Variants in DYSF observed in about 807,000 individuals in gnomAD.
DYSF encodes the protein dystrophy-associated fer-1-like 1.
In DYSF, 212 loss-of-function variants were observed where a neutral mutation model predicts 274.9. That is an observed-to-expected ratio of 0.77 (90% confidence interval 0.69 to 0.86). The LOEUF (loss-of-function observed/expected upper bound fraction) is 0.86. Among genes scored for constraint, DYSF ranks in the 40% least tolerant of loss-of-function variants. The pLI is 0.00. For missense variants in DYSF, 2,666 were observed against 2,783.2 expected (o/e 0.96, Z 0.95); for synonymous variants, 1,091 against 1,078.7 (o/e 1.01, Z -0.22).
At chr2:71,609,822 T>C (rs11893222) in intron 36 of DYSF, among the ~76,000 whole-genome samples, 27,099 of 152,168 alleles carry the variant, frequency 0.18, 5,126 homozygotes, top group African/African-American at 0.48. Context: ...TATCTTTCTC[T>C]GCTTTGACTG....
At chr2:71,574,035 C>T (rs901980032) in intron 29 of DYSF, among the ~76,000 whole-genome samples, 163 bp from the exon 30 acceptor site, 3 of 152,136 alleles carry the variant, frequency 2.0e-5, no homozygotes, top group Admixed American at 2.0e-4. Context: ...GCAGAAAGCC[C>T]CTCTCCTCTA....
At chr2:71,524,918 G>A (rs886156934) in intron 12 of DYSF, among the ~76,000 whole-genome samples, 5 of 152,194 alleles carry the variant, frequency 3.3e-5, no homozygotes, top group Admixed American at 6.5e-5. Flanking sequence ...TGTAAAGTGG[G>A]GGCATTCTAG....
chr2:71,511,133 G>A (rs867660183), intron 4 of DYSF, among the ~76,000 whole-genome samples: 1 of 152,200 alleles, frequency 6.6e-6, no homozygotes, highest in South Asian at 2.1e-4. Flanking sequence ...GGGGTGGGGT[G>A]GGCGCATGGG....
At chr2:71,613,113 G>C (rs1558621886) in intron 39 of DYSF, among the ~76,000 whole-genome samples, 1 of 152,126 alleles carries the variant, frequency 6.6e-6, no homozygotes, top group Non-Finnish European at 1.5e-5. Context: ...GAAATGTGAG[G>C]AGAGGAAGAC....
intron 1 of DYSF, among the ~76,000 whole-genome samples, chr2:71,456,406 A>T (rs1290841188): frequency 6.6e-6 from 1 of 151,940 alleles, no homozygotes; most frequent in African/African-American, 2.4e-5. Context: ...CCTCCCTGTG[A>T]CATTCAGGCC....
rs148570027 is a variant in DYSF, at chr2:71,644,454, G to A, written c.4626+391G>A. 5.5e-3 allele frequency among the ~76,000 whole-genome samples: 835 copies of A among 152,272 alleles called. 15 individuals carry two copies. Among genetic ancestry groups the A allele is most frequent in the African/African-American group, 0.019 (772 of 41,542 alleles). ...ACAGTTAAAGCTTGGAGATGGGTAC[G>A]CAGGGATTTGTTGTCCTATCCCATG... On this transcript the variant is annotated intron_variant, in intron 42 of 55. Coordinates refer to ENST00000410020, the MANE Select transcript of DYSF (RefSeq NM_001130987.2).
chr2:71,453,722 G>C (rs1573204687), exon 1 of DYSF: 3 of 518,052 alleles, frequency 5.8e-6, no homozygotes, highest in African/African-American at 1.9e-5. Context: ...AGGGCGGCGG[G>C]GGTGGAAGAT....
upstream of DYSF, among the ~76,000 whole-genome samples, chr2:71,463,390 G>A (rs1215406431): frequency 1.3e-5 from 2 of 152,234 alleles, no homozygotes; most frequent in Non-Finnish European, 2.9e-5. Context: ...GAGAGTGCAG[G>A]GATGCCTGGA....
At chr2:71,469,043 C>G (rs1401705802) in intron 1 of DYSF, among the ~76,000 whole-genome samples, 1 of 152,122 alleles carries the variant, frequency 6.6e-6, no homozygotes, top group African/African-American at 2.4e-5. Flanking sequence ...TTCCAGAGTC[C>G]CCATCTGTAG....
At chr2:71,672,498 C>T (rs1435501659) in intron 51 of DYSF, among the ~76,000 whole-genome samples, 1 of 152,214 alleles carries the variant, frequency 6.6e-6, no homozygotes, top group East Asian at 1.9e-4. Context: ...CTTTGAACCA[C>T]CACTGGTTGC....
chr2:71,676,999 T>C (rs1260708928), intron 52 of DYSF, among the ~76,000 whole-genome samples: 1 of 152,030 alleles, frequency 6.6e-6, no homozygotes, highest in Non-Finnish European at 1.5e-5. Context: ...ATATTTCAAA[T>C]AGAAAATAAA....
At chr2:71,458,689 C>T (rs2081166524) in intron 1 of DYSF, among the ~76,000 whole-genome samples, 1 of 152,178 alleles carries the variant, frequency 6.6e-6, no homozygotes, top group Admixed American at 6.5e-5. Context: ...AGTCTCTTTC[C>T]AGATTGGTCC....
intron 32 of DYSF, among the ~76,000 whole-genome samples, chr2:71,591,364 T>C (rs1219402288): frequency 1.3e-5 from 2 of 152,208 alleles, no homozygotes; most frequent in Non-Finnish European, 2.9e-5. Flanking sequence ...AACAGTGGTC[T>C]ATCTCTGCCA....
rs2303603 is a variant in DYSF, at chr2:71,600,724, G to A, written c.3779G>A (p.Arg1260His). ...DTYGADEFMG[R>H]CICQPSLERM... The stretch of plus-strand genomic sequence containing the variant: ...TAGGGTGCAGACGAGTTTATGGGTC[G>A]CTGCATCTGTCAACCGAGTCTGGAA... The change falls in exon 34 of 56, where the codon CGC becomes CAC. Residue 1260 changes from arginine (R) to histidine (H), a missense_variant. Transcript: ENST00000410020. 4.0e-4 allele frequency: 645 copies of A among 1,614,068 alleles called. No individual in the cohort carries two copies. In the East Asian group the frequency reaches 0.012, roughly 30 times the overall value.
intron 22 of DYSF, among the ~76,000 whole-genome samples, chr2:71,558,031 CAA>C (rs58123195): frequency 2.3e-5 from 3 of 132,426 alleles, no homozygotes; most frequent in Admixed American, 7.6e-5. Flanking sequence ...GACTCTGTCT[CAA>C]AAAAAAAAAA....
intron 36 of DYSF, among the ~76,000 whole-genome samples, chr2:71,608,653 C>G (rs1283679079): frequency 6.6e-6 from 1 of 152,144 alleles, no homozygotes; most frequent in African/African-American, 2.4e-5. Context: ...TTCTTGTTCC[C>G]CTGTCCTCAG....
At position 71,466,909 on chromosome 2, in the gene DYSF, C is replaced by A; in HGVS notation, c.67C>A (p.Pro23Thr). 1 of 1,550,134 alleles carries A rather than the reference C, an allele frequency of 6.5e-7. No homozygotes were observed. The highest frequency in any genetic ancestry group is 2.4e-5 in the East Asian group (1 of 40,876). The change falls in exon 1 of 56, where the codon CCT becomes ACT. Residue 23 changes from proline (P) to threonine (T), a missense_variant. By Grantham distance (38) the Pro-to-Thr change is conservative. Transcript: ENST00000410020. ...PSAKKDRRSD[P>T]VASLTFRGVK... is the part of the protein sequence containing the mutation. Reference sequence around the variant, plus strand: ...TGCGAAGAAGGACCGGCGCAGCGACCCTGTCGCAAGCCTGACTTTCCGAGG... The same window carrying A: ...TGCGAAGAAGGACCGGCGCAGCGACACTGTCGCAAGCCTGACTTTCCGAGG...
chr2:71,538,902 G>A (rs1454085614), intron 16 of DYSF, among the ~76,000 whole-genome samples: 3 of 152,176 alleles, frequency 2.0e-5, no homozygotes, highest in Admixed American at 2.0e-4. Flanking sequence ...GCCTGGGTTT[G>A]GTTGCCTGAT....
intron 1 of DYSF, among the ~76,000 whole-genome samples, chr2:71,474,501 G>A (rs1476843501): frequency 6.6e-6 from 1 of 152,152 alleles, no homozygotes; most frequent in African/African-American, 2.4e-5. Context: ...ATCAGGAACA[G>A]GGCAGGCCAA....
Sources: gnomAD v4.1 joint callset for allele counts (sites outside exome capture counted in the v4.1 genomes callset) on GRCh38, gnomAD v4.1.1 for gene constraint, MANE v1.5 for transcripts, NCBI Gene and HGNC (gene_info 2026-07-23, HGNC 2026-07-21) for gene names.